The following DRC8 variants were observed in gnomAD, a reference collection of about 807,000 sequenced individuals.
The protein encoded by DRC8 is dynein regulatory complex subunit 8.
At chr1:245,083,893 G>A in the DRC8 span, 1 of 582,624 alleles carries the variant, frequency 1.7e-6, no homozygotes, top group Non-Finnish European at 2.8e-6. Flanking sequence ...ATGGGTTGTT[G>A]TCTCGTAGAA....
the DRC8 span, among the ~76,000 whole-genome samples, chr1:244,994,664 G>A: frequency 2.6e-5 from 4 of 152,052 alleles, no homozygotes; most frequent in South Asian, 2.1e-4. Context: ...TCCTGACCTC[G>A]TGATCTGCCG....
the DRC8 span, among the ~76,000 whole-genome samples, chr1:244,988,141 A>G: frequency 6.6e-6 from 1 of 152,222 alleles, no homozygotes; most frequent in Non-Finnish European, 1.5e-5. Context: ...GTTGGCTTTC[A>G]TATACCCAAT....
At chr1:245,114,308 C>A in the DRC8 span, among the ~76,000 whole-genome samples, 1 of 151,830 alleles carries the variant, frequency 6.6e-6, no homozygotes, top group African/African-American at 2.4e-5. Context: ...GCTAAAAATA[C>A]AAAAAAATTA....
the DRC8 span, among the ~76,000 whole-genome samples, chr1:244,974,649 G>C: frequency 1.3e-5 from 2 of 151,840 alleles, no homozygotes; most frequent in Non-Finnish European, 2.9e-5. Context: ...CTTAAATAAC[G>C]TCTTTGTTTT....
chr1:245,002,088 C>G, the DRC8 span: 2 of 1,537,360 alleles, frequency 1.3e-6, no homozygotes. Context: ...TTATTGATCA[C>G]CAAGTACTCT....
the DRC8 span, among the ~76,000 whole-genome samples, chr1:244,980,560 G>A: frequency 2.0e-5 from 3 of 152,140 alleles, no homozygotes; most frequent in African/African-American, 7.2e-5. Flanking sequence ...GAAACAAGGA[G>A]ATAGGCTAGA....
the DRC8 span, chr1:244,970,097 G>T: frequency 1.5e-6 from 1 of 667,366 alleles, no homozygotes; most frequent in Non-Finnish European, 2.7e-6. Context: ...GGAAAGGAGG[G>T]GTTGGGGACC....
the DRC8 span, among the ~76,000 whole-genome samples, chr1:245,055,845 C>T: frequency 1.3e-5 from 2 of 152,098 alleles, no homozygotes; most frequent in Non-Finnish European, 2.9e-5. Context: ...ACAATTACAG[C>T]CTTTTATCAT....
At chr1:245,073,191 A>G in the DRC8 span, among the ~76,000 whole-genome samples, 1 of 152,266 alleles carries the variant, frequency 6.6e-6, no homozygotes, top group Non-Finnish European at 1.5e-5. Context: ...GCTGGAGTGC[A>G]GTGGCATGAT....
At chr1:245,112,799 G>A in the DRC8 span, among the ~76,000 whole-genome samples, 1 of 151,278 alleles carries the variant, frequency 6.6e-6, no homozygotes, top group East Asian at 2.0e-4. Flanking sequence ...TGTCACCCAG[G>A]CTGGAGTGCA....
At chr1:244,986,744 CAAA>C in the DRC8 span, among the ~76,000 whole-genome samples, 26 of 76,100 alleles carry the variant, frequency 3.4e-4, no homozygotes, top group Admixed American at 2.9e-4. Flanking sequence ...GACCCTGTCT[CAAA>C]AAAAAAAAAA....
At chr1:245,058,452 C>T in the DRC8 span, among the ~76,000 whole-genome samples, 1 of 152,086 alleles carries the variant, frequency 6.6e-6, no homozygotes, top group Admixed American at 6.6e-5. Flanking sequence ...ATTCTGCAAC[C>T]TCTTTCAGTG....
chr1:245,084,070 C>T, the DRC8 span, among the ~76,000 whole-genome samples: 3 of 119,176 alleles, frequency 2.5e-5, 1 homozygote, highest in South Asian at 5.8e-4. Context: ...CCGCCCCCCC[C>T]CCGGCGCCCC....
the DRC8 span, among the ~76,000 whole-genome samples, chr1:245,009,199 C>G: frequency 6.6e-6 from 1 of 151,542 alleles, no homozygotes; most frequent in East Asian, 1.9e-4. Flanking sequence ...CCACGCCCGG[C>G]TAATTTGTAT....
chr1:244,971,636 T>C, the DRC8 span, among the ~76,000 whole-genome samples: 1 of 152,306 alleles, frequency 6.6e-6, no homozygotes, highest in East Asian at 1.9e-4. Flanking sequence ...TCTGGAGTGC[T>C]CAAAACACCC....
chr1:245,098,032 C>G, the DRC8 span, among the ~76,000 whole-genome samples: 1 of 152,154 alleles, frequency 6.6e-6, no homozygotes, highest in East Asian at 1.9e-4. Context: ...GGGGACATTA[C>G]CAGGGAGATG....
the DRC8 span, among the ~76,000 whole-genome samples, chr1:244,972,982 T>G: frequency 6.6e-6 from 1 of 152,098 alleles, no homozygotes; most frequent in Non-Finnish European, 1.5e-5. Flanking sequence ...CTCATTTTGG[T>G]GGTAAGATCT....
At chr1:244,971,082 C>T in the DRC8 span, 4 of 154,938 alleles carry the variant, frequency 2.6e-5, no homozygotes, top group African/African-American at 7.2e-5. Flanking sequence ...CATTTTGCCT[C>T]CTTAATGAGG....
chr1:245,103,785 G>C, the DRC8 span, among the ~76,000 whole-genome samples: 7 of 152,236 alleles, frequency 4.6e-5, no homozygotes, highest in African/African-American at 1.2e-4. Context: ...CTAGTACCAA[G>C]CACTGGATCC....
Sources: allele counts gnomAD v4.1 joint callset (sites outside exome capture counted in the v4.1 genomes callset), GRCh38; gene constraint gnomAD v4.1.1; transcripts MANE v1.5; gene names NCBI Gene and HGNC (gene_info 2026-07-23, HGNC 2026-07-21).